REXO2: variants seen among roughly 807,000 people sequenced by gnomAD.
The protein encoded by REXO2 is oligoribonuclease, mitochondrial.
Under a neutral mutation model 30.9 loss-of-function variants are expected in REXO2, and 17 were observed. That is an observed-to-expected ratio of 0.55 (90% CI 0.38 to 0.82). The LOEUF is 0.82. Among genes scored for constraint, REXO2 ranks in the 40% least tolerant of loss-of-function variants. REXO2 has a pLI of 0.00. For synonymous variants in REXO2, 105 were observed against 99.6 expected (o/e 1.05, Z -0.32); for missense variants, 253 against 293.2 (o/e 0.86, Z 1.00).
Position 114,441,261 on chromosome 11 carries a change from A to G in REXO2, c.231+522A>G, listed in dbSNP as rs76882729. Among the ~76,000 whole-genome samples, 767 of 152,314 alleles carry G rather than the reference A, an allele frequency of 5.0e-3. 3 individuals carry two copies. The highest frequency in any genetic ancestry group is 0.017 in the African/African-American group (721 of 41,578). ...CCATCAGATTTGGTGACTCGTGCCA[A>G]TGTTTGCGTCTTTATATCATAACCT... On this transcript the variant is annotated intron_variant, in intron 2 of 6. Coordinates refer to ENST00000265881, the MANE Select transcript of REXO2 (RefSeq NM_015523.4).
At chr11:114,447,946 T>A in intron 6 of REXO2, 67 bp downstream of exon 6, 1 of 1,198,996 alleles carries the variant, frequency 8.3e-7, no homozygotes, top group African/African-American at 1.5e-5. Flanking sequence ...TCCTGACTGC[T>A]TGAAATAATG....
chr11:114,444,143 T>C (rs1232247845), intron 3 of REXO2: 2 of 650,862 alleles, frequency 3.1e-6, no homozygotes, highest in Non-Finnish European at 5.7e-6. Context: ...TTTTTTTCTC[T>C]CCTACATTCA....
chr11:114,440,956 T>C (rs1418561189), intron 2 of REXO2: 2 of 417,972 alleles, frequency 4.8e-6, no homozygotes, highest in Non-Finnish European at 8.4e-6. Context: ...TAATTAACCA[T>C]GCCAGAAATT....
intron 6 of REXO2, among the ~76,000 whole-genome samples, chr11:114,449,437 T>A (rs78128753): frequency 2.2e-4 from 20 of 90,086 alleles, no homozygotes; most frequent in Admixed American, 2.0e-3. Context: ...TTTAGAAAAT[T>A]AATAAATTAG....
In REXO2 at chr11:114,449,858, C is replaced by T; in HGVS notation, c.597C>T (p.Asp199=). 3 of 1,608,990 alleles carry T rather than the reference C, an allele frequency of 1.9e-6. No individual in the cohort carries two copies. The highest frequency in any genetic ancestry group is 1.7e-6 in the Non-Finnish European group (2 of 1,177,506). ...TGTTTGCTTATAGGGCACTTGATGACATTAGTGAAAGCATCAAAGAGCTTC... is the reference window on the plus strand; with the variant it reads ...TGTTTGCTTATAGGGCACTTGATGATATTAGTGAAAGCATCAAAGAGCTTC... ...KKAASHRALD[D]ISESIKELQF... Residue 199 remains aspartate (D), a synonymous_variant, in exon 7 of 7, where the codon GAC becomes GAT. Transcript: ENST00000265881.
At chr11:114,439,918 C>T in intron 1 of REXO2, 2 of 573,994 alleles carry the variant, frequency 3.5e-6, no homozygotes, top group Admixed American at 3.2e-5. Context: ...TCTTCTCCTC[C>T]CTACCCCTCC....
At chr11:114,440,112 A>T (rs189099727) in intron 1 of REXO2, 1 of 466,776 alleles carries the variant, frequency 2.1e-6, no homozygotes, top group East Asian at 6.7e-5. Context: ...AAGTGAGAAC[A>T]TTGAGGCCCA....
chr11:114,443,066 C>G (rs1946489830), intron 2 of REXO2, among the ~76,000 whole-genome samples: 1 of 150,940 alleles, frequency 6.6e-6, no homozygotes, highest in African/African-American at 2.4e-5. Flanking sequence ...GAAATCATAC[C>G]TATACATACA....
intron 1 of REXO2, 191 bp downstream of exon 1, chr11:114,439,866 T>C: frequency 1.6e-6 from 1 of 644,126 alleles, no homozygotes; most frequent in Non-Finnish European, 2.6e-6. Flanking sequence ...CGTGCTGCGC[T>C]GTAGGGCTTC....
chr11:114,439,487 C>T lies in REXO2; in HGVS notation c.-42C>T, dbSNP rs1364011374. 4 of 1,594,630 alleles carry T rather than the reference C, an allele frequency of 2.5e-6. No homozygotes were observed. The highest frequency in any genetic ancestry group is 3.4e-6 in the Non-Finnish European group (4 of 1,176,818). ...TTAGCGACTATTGCGCCTGCGCCAG[C>T]GCCGGCTGCGAGACTGGGGCCGTGG... On this transcript the variant is annotated 5_prime_UTR_variant, in exon 1 of 7. Transcript: ENST00000265881.
intron 5 of REXO2, among the ~76,000 whole-genome samples, chr11:114,447,187 A>G (rs1210319992): frequency 6.6e-6 from 1 of 152,046 alleles, no homozygotes; most frequent in Non-Finnish European, 1.5e-5. Context: ...CGGCCTCCCA[A>G]AGTGCTGGGA....
At chr11:114,447,099 C>T (rs1424695931) in intron 5 of REXO2, among the ~76,000 whole-genome samples, 1 of 152,070 alleles carries the variant, frequency 6.6e-6, no homozygotes, top group African/African-American at 2.4e-5. Flanking sequence ...CCACTGCGCC[C>T]GGCTAATTTT....
chr11:114,444,292 G>C (rs1201732300), intron 3 of REXO2: 1 of 623,420 alleles, frequency 1.6e-6, no homozygotes, highest in African/African-American at 1.8e-5. Flanking sequence ...AATATCCTTG[G>C]ACTTTGAACA....
At chr11:114,439,842 C>G (rs1479591839) in intron 1 of REXO2, 167 bp downstream of exon 1, 3 of 782,494 alleles carry the variant, frequency 3.8e-6, no homozygotes, top group Non-Finnish European at 2.0e-6. Flanking sequence ...AGGAGTCCTG[C>G]GGGTGTTGGG....
Position 114,440,654 on chromosome 11 carries a change from A to G in REXO2, c.148-2A>G. On this transcript the variant is annotated splice_acceptor_variant, in intron 1 of 6. Coordinates refer to ENST00000265881, the MANE Select transcript of REXO2 (RefSeq NM_015523.4). LOFTEE classifies it high-confidence loss of function. The stretch of plus-strand genomic sequence containing the variant: ...GTGTTATATATTTATTTTTAATTGC[A>G]GATGACAGGATTGGACATTGAGAAG... 1 of 1,605,908 alleles carries G rather than the reference A, an allele frequency of 6.2e-7. No homozygotes were observed. Among genetic ancestry groups the G allele is most frequent in the Non-Finnish European group, 8.5e-7 (1 of 1,173,256 alleles).
At chr11:114,445,129 T>C (rs937308067) in intron 4 of REXO2, 1 of 152,272 alleles carries the variant, frequency 6.6e-6, no homozygotes, top group Non-Finnish European at 1.5e-5. Context: ...TCATATGATA[T>C]CTAGTCCACA....
intron 2 of REXO2, chr11:114,441,873 C>T (rs1396686155): frequency 6.2e-6 from 4 of 641,320 alleles, no homozygotes; most frequent in Non-Finnish European, 1.1e-5. Flanking sequence ...ACTTTTTTAA[C>T]TTTGTATAAA....
At chr11:114,440,386 A>G (rs1001411884) in intron 1 of REXO2, among the ~76,000 whole-genome samples, 2 of 152,192 alleles carry the variant, frequency 1.3e-5, no homozygotes, top group Admixed American at 1.3e-4. Flanking sequence ...AAACTGAGTG[A>G]TGTCAGCACT....
chr11:114,446,918 AAGAT>A (rs982717102), intron 5 of REXO2, among the ~76,000 whole-genome samples: 2 of 151,246 alleles, frequency 1.3e-5, no homozygotes, highest in African/African-American at 4.9e-5. Context: ...AAGTGGTAGA[AAGAT>A]AGAAAGGAGG....
Sources: gnomAD v4.1 joint callset for allele counts (sites outside exome capture counted in the v4.1 genomes callset) on GRCh38, gnomAD v4.1.1 for gene constraint, MANE v1.5 for transcripts, NCBI Gene and HGNC (gene_info 2026-07-23, HGNC 2026-07-21) for gene names.